MYO10: variants seen among roughly 807,000 people sequenced by gnomAD.
MYO10 encodes the protein unconventional myosin-X.
In MYO10, 133 loss-of-function variants were observed where a neutral mutation model predicts 257.3. The observed-to-expected ratio is 0.52, with a 90% CI of 0.45 to 0.60. MYO10 has a LOEUF of 0.60. Among genes scored for constraint, MYO10 ranks in the 20% least tolerant of loss-of-function variants. MYO10 has a pLI of 0.00. For synonymous variants in MYO10, 1,104 were observed against 1,028.6 expected, an observed-to-expected ratio of 1.07 and a Z score of -1.40; for missense variants, 2,399 against 2,635.7, an observed-to-expected ratio of 0.91 and a Z score of 1.97.
intron 2 of MYO10, among the ~76,000 whole-genome samples, chr5:16,862,983 G>A (rs1744148651): frequency 1.3e-5 from 2 of 152,316 alleles, no homozygotes; most frequent in African/African-American, 2.4e-5. Context: ...AACAAAGACT[G>A]GAAGGATAGG....
intron 2 of MYO10, among the ~76,000 whole-genome samples, chr5:16,853,215 A>C (rs952873038): frequency 1.3e-5 from 2 of 149,156 alleles, no homozygotes; most frequent in African/African-American, 4.9e-5. Flanking sequence ...CTGAAAATAC[A>C]AAAAAAAAAT....
At chr5:16,740,329 C>T (rs1029704694) in intron 19 of MYO10, among the ~76,000 whole-genome samples, 3 of 151,766 alleles carry the variant, frequency 2.0e-5, no homozygotes, top group African/African-American at 7.3e-5. Flanking sequence ...AACGTTAATT[C>T]AGGGCGGCTA....
chr5:16,853,733 T>C (rs114778783), intron 2 of MYO10, among the ~76,000 whole-genome samples: 1,847 of 152,308 alleles, frequency 0.012, 33 homozygotes, highest in Middle Eastern at 0.034. Context: ...CTGTGTGCTA[T>C]CATCTCTCCC....
chr5:16,818,803 T>C (rs1010891755), intron 2 of MYO10, among the ~76,000 whole-genome samples: 1 of 152,158 alleles, frequency 6.6e-6, no homozygotes, highest in Non-Finnish European at 1.5e-5. Context: ...TCCTAAAAGA[T>C]ATTAGTTCAA....
At chr5:16,773,049 C>T (rs975203900) in intron 9 of MYO10, among the ~76,000 whole-genome samples, 8 of 152,002 alleles carry the variant, frequency 5.3e-5, no homozygotes, top group African/African-American at 1.4e-4. Context: ...TTTAAATGGA[C>T]GTATTTAATT....
chr5:16,763,411 G>T (rs1032665528), intron 14 of MYO10, 70 bp downstream of exon 14: 2 of 1,209,920 alleles, frequency 1.7e-6, no homozygotes, highest in African/African-American at 1.5e-5. Context: ...ACGTTATTTT[G>T]TTCCCATAAA....
chr5:16,926,656 T>C (rs1746140276), intron 1 of MYO10, among the ~76,000 whole-genome samples: 1 of 150,806 alleles, frequency 6.6e-6, no homozygotes, highest in African/African-American at 2.4e-5. Context: ...GAGCCAAAAT[T>C]GCGCCACTAC....
chr5:16,681,785 C>T, intron 31 of MYO10, 86 bp downstream of exon 31: 11 of 1,448,014 alleles, frequency 7.6e-6, no homozygotes, highest in Non-Finnish European at 1.0e-5. Context: ...GGAAAAGCAG[C>T]TCGAAATGAA....
chr5:16,890,409 T>C (rs1004828893), intron 1 of MYO10, among the ~76,000 whole-genome samples: 1 of 151,814 alleles, frequency 6.6e-6, no homozygotes. Flanking sequence ...CGTGAAAACA[T>C]ATGTCCACAC....
At chr5:16,681,557 AC>A in intron 31 of MYO10, 54 bp from the exon 32 acceptor site, 1 of 1,496,402 alleles carries the variant, frequency 6.7e-7, no homozygotes, top group Non-Finnish European at 9.1e-7. Context: ...AACCCCAAAG[AC>A]CACACAATCA....
At position 16,807,373 on chromosome 5, in the gene MYO10, G is replaced by A. The variant is rs540325040; in HGVS notation, c.279+10636C>T. 2.6e-5 allele frequency among the ~76,000 whole-genome samples: 4 copies of A among 152,176 alleles called. No homozygotes were observed. The South Asian group carries it at 8.3e-4, about 32-fold the overall frequency. On this transcript the variant is annotated intron_variant, in intron 3 of 40. Transcript: ENST00000513610. The stretch of plus-strand genomic sequence containing the variant: ...AATCCAGTAATCCTACAGAAATTCA[G>A]CTTACTTGGCCCCCAAACCCAGTTA...
At position 16,704,170 on chromosome 5, in the gene MYO10, T is replaced by C. The variant is rs532717759; in HGVS notation, c.2276+409A>G. ...ACCCATCTCTAAAAAAAAAATTTTTTTTTAATTAGCCAGGCATGGTGGTGT... is the reference window on the plus strand; with the variant it reads ...ACCCATCTCTAAAAAAAAAATTTTTCTTTAATTAGCCAGGCATGGTGGTGT... On this transcript the variant is annotated intron_variant, in intron 22 of 40. Coordinates refer to ENST00000513610, the MANE Select transcript of MYO10 (RefSeq NM_012334.3). 5.3e-5 allele frequency among the ~76,000 whole-genome samples: 8 copies of C among 151,870 alleles called. No individual in the cohort carries two copies. The South Asian group carries it at 1.5e-3, about 28-fold the overall frequency.
At chr5:16,728,566 C>T (rs1044823132) in intron 19 of MYO10, among the ~76,000 whole-genome samples, 6 of 150,822 alleles carry the variant, frequency 4.0e-5, no homozygotes, top group East Asian at 3.9e-4. Context: ...AAAAGTTAAA[C>T]GGCATATAAT....
At chr5:16,840,242 G>T (rs190724589) in intron 2 of MYO10, among the ~76,000 whole-genome samples, 13 of 152,188 alleles carry the variant, frequency 8.5e-5, no homozygotes, top group African/African-American at 3.1e-4. Context: ...GTGAAAACTT[G>T]TCTCTATGAC....
chr5:16,838,538 G>A lies in MYO10; in HGVS notation c.121-20371C>T, dbSNP rs555732711. Among the ~76,000 whole-genome samples, 312 of 152,274 alleles carry A rather than the reference G, an allele frequency of 2.0e-3. 4 individuals carry two copies. Among genetic ancestry groups the A allele is most frequent in the African/African-American group, 6.8e-3 (283 of 41,552 alleles). Reference sequence around the variant, plus strand: ...TTGATGAGATTTAAGAAAAGAAGCCGTCTCCACAACACAAAAGAGCAAGGG... The same window carrying A: ...TTGATGAGATTTAAGAAAAGAAGCCATCTCCACAACACAAAAGAGCAAGGG... On this transcript the variant is annotated intron_variant, in intron 2 of 40. Transcript: ENST00000513610.
At chr5:16,794,045 T>C (rs1165684847) in intron 4 of MYO10, among the ~76,000 whole-genome samples, 1 of 151,968 alleles carries the variant, frequency 6.6e-6, no homozygotes, top group African/African-American at 2.4e-5. Context: ...TCAGCTAAAA[T>C]AGACATGCCA....
At chr5:16,907,126 A>G (rs1305007423) in intron 1 of MYO10, among the ~76,000 whole-genome samples, 2 of 152,084 alleles carry the variant, frequency 1.3e-5, no homozygotes, top group South Asian at 2.1e-4. Flanking sequence ...AAAAAAGAAA[A>G]GAAAGAAAGA....
chr5:16,685,025 G>GCTCACAGAGTGAGACTC (rs1737183803), intron 29 of MYO10, among the ~76,000 whole-genome samples: 1 of 151,592 alleles, frequency 6.6e-6, no homozygotes, highest in Admixed American at 6.6e-5. Flanking sequence ...CAGCCTGGGT[G>GCTCACAGAGTGAGACTC]ACAGAGTGAG....
chr5:16,730,856 TG>T (rs929105008), intron 19 of MYO10, among the ~76,000 whole-genome samples: 1 of 152,038 alleles, frequency 6.6e-6, no homozygotes, highest in African/African-American at 2.4e-5. Flanking sequence ...CTGCGGAGGA[TG>T]GAAGGTGGGG....
Sources: allele counts gnomAD v4.1 joint callset (sites outside exome capture counted in the v4.1 genomes callset), GRCh38; gene constraint gnomAD v4.1.1; transcripts MANE v1.5; gene names NCBI Gene and HGNC (gene_info 2026-07-23, HGNC 2026-07-21).